Variants in TENM2 observed in about 807,000 individuals in gnomAD.
The protein encoded by TENM2 is teneurin transmembrane protein 2.
A neutral mutation model predicts 245.2 loss-of-function variants in TENM2; 52 were observed. The observed-to-expected ratio is 0.21, with a 90% CI of 0.17 to 0.27. The LOEUF (loss-of-function observed/expected upper bound fraction) is 0.27, where lower values mean the gene tolerates loss of function less well. Ranked by LOEUF, TENM2 falls within the 10% of genes least tolerant of loss-of-function variation. TENM2 has a pLI of 1.00. For synonymous variants in TENM2, 1,363 were observed against 1,438.9 expected, an observed-to-expected ratio of 0.95 and a Z score of 1.19; for missense variants, 3,046 against 3,666.8, an observed-to-expected ratio of 0.83 and a Z score of 4.37.
At chr5:167,965,194 G>A (rs1484270736) in intron 4 of TENM2, 1 of 152,138 alleles carries the variant, frequency 6.6e-6, no homozygotes, top group Non-Finnish European at 1.5e-5. Context: ...TTAGATGTCT[G>A]GGTGAATAGC....
At chr5:168,045,481 A>G (rs1788531938) in intron 5 of TENM2, among the ~76,000 whole-genome samples, 1 of 152,194 alleles carries the variant, frequency 6.6e-6, no homozygotes, top group Non-Finnish European at 1.5e-5. Context: ...GAGTGCTATA[A>G]GAGCAGAGCA....
chr5:167,842,482 G>T (rs1489317901), intron 2 of TENM2, among the ~76,000 whole-genome samples: 9 of 150,456 alleles, frequency 6.0e-5, no homozygotes, highest in Non-Finnish European at 1.2e-4. Flanking sequence ...CCAGCTACTT[G>T]GGAAGCTGAG....
At chr5:167,303,672 C>T (rs141431043) in intron 1 of TENM2, among the ~76,000 whole-genome samples, 66 of 152,236 alleles carry the variant, frequency 4.3e-4, no homozygotes, top group African/African-American at 1.4e-3. Context: ...GGCTCAGAGG[C>T]CTGACAGTGG....
At chr5:167,852,411 G>A (rs1202485235) in intron 2 of TENM2, among the ~76,000 whole-genome samples, 1 of 152,144 alleles carries the variant, frequency 6.6e-6, no homozygotes, top group South Asian at 2.1e-4. Flanking sequence ...ATAAAATGAT[G>A]GTTATATCTC....
At chr5:166,992,165 A>G in the TENM2 span, among the ~76,000 whole-genome samples, 1 of 152,138 alleles carries the variant, frequency 6.6e-6, no homozygotes, top group Non-Finnish European at 1.5e-5. Context: ...GATAAAAGAT[A>G]ATTACAATGT....
chr5:167,310,117 G>A (rs186308471), intron 1 of TENM2, among the ~76,000 whole-genome samples: 139 of 152,320 alleles, frequency 9.1e-4, no homozygotes, highest in Non-Finnish European at 1.6e-3. Flanking sequence ...AAAGCGTAGT[G>A]CTTACTCAGC....
At chr5:167,372,040 A>G (rs1760469741) in intron 1 of TENM2, among the ~76,000 whole-genome samples, 1 of 152,176 alleles carries the variant, frequency 6.6e-6, no homozygotes, top group Non-Finnish European at 1.5e-5. Flanking sequence ...AAATGGTGGC[A>G]TTGGCAAGGA....
intron 2 of TENM2, among the ~76,000 whole-genome samples, chr5:167,597,114 G>A (rs1027439853): frequency 6.6e-6 from 1 of 151,172 alleles, no homozygotes; most frequent in African/African-American, 2.4e-5. Context: ...AGTTGCTGGG[G>A]CAAATTTGCC....
chr5:168,075,674 C>T (rs1305634479), intron 7 of TENM2, among the ~76,000 whole-genome samples: 1 of 152,180 alleles, frequency 6.6e-6, no homozygotes, highest in Admixed American at 6.5e-5. Context: ...GAGATTCACC[C>T]ATGGTGTTGT....
At chr5:167,877,544 AT>A (rs1482346825) in intron 3 of TENM2, among the ~76,000 whole-genome samples, 5 of 152,226 alleles carry the variant, frequency 3.3e-5, no homozygotes. Context: ...TTAAAATGAC[AT>A]TACATCATTG....
intron 12 of TENM2, chr5:168,129,240 T>C (rs1231031082): frequency 6.6e-6 from 1 of 152,198 alleles, no homozygotes. Flanking sequence ...CATAGATGTT[T>C]CGGTCAAGCT....
At chr5:167,781,203 T>C (rs1764165673) in intron 2 of TENM2, among the ~76,000 whole-genome samples, 1 of 152,074 alleles carries the variant, frequency 6.6e-6, no homozygotes, top group Non-Finnish European at 1.5e-5. Context: ...TACAGCTACT[T>C]GGGAGGCTGA....
At chr5:167,721,278 T>G (rs1759610987) in intron 2 of TENM2, 1 of 152,200 alleles carries the variant, frequency 6.6e-6, no homozygotes, top group Non-Finnish European at 1.5e-5. Flanking sequence ...GAGGATTTTT[T>G]GGAGTGGTTT....
chr5:167,723,396 A>C (rs1214763752), intron 2 of TENM2, among the ~76,000 whole-genome samples: 1 of 152,044 alleles, frequency 6.6e-6, no homozygotes, highest in African/African-American at 2.4e-5. Context: ...CCACCCTTGC[A>C]CTTGAGGCTA....
chr5:167,409,952 A>G (rs1762823794), intron 2 of TENM2, among the ~76,000 whole-genome samples: 1 of 152,026 alleles, frequency 6.6e-6, no homozygotes, highest in African/African-American at 2.4e-5. Flanking sequence ...TCAAAAAATT[A>G]GGATTTGAAA....
chr5:167,912,815 C>T (rs1272346076), intron 3 of TENM2, among the ~76,000 whole-genome samples: 1 of 152,052 alleles, frequency 6.6e-6, no homozygotes, highest in Non-Finnish European at 1.5e-5. Flanking sequence ...TTCAAAATAC[C>T]TTTCCTTCTC....
chr5:168,215,495 C>T (rs1405662254), intron 21 of TENM2, among the ~76,000 whole-genome samples: 1 of 152,014 alleles, frequency 6.6e-6, no homozygotes, highest in Non-Finnish European at 1.5e-5. Flanking sequence ...GGTGAAACCC[C>T]ATCTCTACTA....
intron 2 of TENM2, among the ~76,000 whole-genome samples, chr5:167,746,858 A>C (rs968295624): frequency 6.6e-6 from 1 of 152,148 alleles, no homozygotes; most frequent in South Asian, 2.1e-4. Context: ...GCATACACAC[A>C]TAAAATCTTC....
At chr5:167,548,022 C>G (rs947663721) in intron 2 of TENM2, among the ~76,000 whole-genome samples, 3 of 152,184 alleles carry the variant, frequency 2.0e-5, no homozygotes, top group Admixed American at 6.5e-5. Flanking sequence ...AATAAGAACT[C>G]TGGTCATTCA....
Sources: allele counts gnomAD v4.1 joint callset (sites outside exome capture counted in the v4.1 genomes callset), GRCh38; gene constraint gnomAD v4.1.1; transcripts MANE v1.5; gene names NCBI Gene and HGNC (gene_info 2026-07-23, HGNC 2026-07-21).